SMIM5: variants seen among roughly 807,000 people sequenced by gnomAD.
SMIM5 encodes the protein chromosome 17 open reading frame 109.
A neutral mutation model predicts 4.0 loss-of-function variants in SMIM5; 4 were observed. The observed-to-expected ratio is 1.01, with a 90% CI of 0.50 to 2.30. The LOEUF is 2.30. Among genes scored for constraint, SMIM5 ranks in the 30% most tolerant of loss-of-function variants. The pLI is 0.02. For missense variants in SMIM5, 107 were observed against 99.2 expected (o/e 1.08, Z -0.34); for synonymous variants, 46 against 43.6 (o/e 1.05, Z -0.22).
rs1411890878 is a variant in SMIM5 at position 75,633,588 on chromosome 17, A to AGCCTCCTGCTCAGCTTGAGAGG, written c.-647_-626dup. On this transcript the variant is annotated 5_prime_UTR_variant, in exon 1 of 3. It introduces an in-frame stop codon into an upstream open reading frame of the 5' UTR. Coordinates refer to ENST00000375215, the MANE Select transcript of SMIM5 (RefSeq NM_001162995.3). ...GGGCCTCCCCAGGGACTGGTTGCAA[A>AGCCTCCTGCTCAGCTTGAGAGG]GCCTCCTGCTCAGCTTGAGAGGGCC... The AGCCTCCTGCTCAGCTTGAGAGG allele has an allele frequency of 8.1e-7, 1 of 1,241,152 alleles. No individual in the cohort carries two copies. The highest frequency in any genetic ancestry group is 5.8e-5 in the East Asian group (1 of 17,144). The allele number at this position is 1,241,152 out of a possible 1,614,324, so 76.9% of individuals were successfully genotyped here.
rs2059327322 is a variant in SMIM5 at position 75,636,647 on chromosome 17, CG to C, written c.-37+2447del. On this transcript the variant is annotated intron_variant, in intron 1 of 2. Transcript: ENST00000375215. The surrounding 1 kb of genome is among the most constrained non-coding windows in gnomAD (Gnocchi z 5.4). ...CCCGCTGGGAAGACCACCTGGGGAC[CG>C]GCTGGAATGCGCCTCCTCCTCTTTA... The C allele has an allele frequency of 6.6e-6, 1 of 152,280 alleles. No individual in the cohort carries two copies. The allele number at this position is 152,280 out of a possible 1,614,324, so 9.4% of individuals were successfully genotyped here. A position where few individuals can be genotyped will look rare whatever the true frequency, so the allele number is the denominator to read the frequency against.
At chr17:75,635,848 T>C in intron 1 of SMIM5, 1 of 985,400 alleles carries the variant, frequency 1.0e-6, no homozygotes, top group Non-Finnish European at 1.2e-6. Flanking sequence ...CAGCCCTTCC[T>C]CGTGAGGCGC....
Position 75,640,387 on chromosome 17 carries a change from A to G in SMIM5, c.127+59A>G. 6.8e-7 allele frequency: 1 copy of G among 1,474,084 alleles called. No homozygotes were observed. Among genetic ancestry groups the G allele is most frequent in the Non-Finnish European group, 9.0e-7 (1 of 1,107,464 alleles). 91.3% of individuals were successfully genotyped at this position (1,474,084 alleles called of 1,614,324 possible). The stretch of plus-strand genomic sequence containing the variant: ...CCTGGCATCTGGGAGAGACCACACC[A>G]TGGTGCCAGCCAGAGGGCTGGCAGA... On this transcript the variant is annotated intron_variant, in intron 2 of 2. Transcript: ENST00000375215. This position sits in a 1 kb window ranked among gnomAD's most constrained non-coding sequence, Gnocchi z 4.6.
intron 1 of SMIM5, chr17:75,639,326 T>C (rs2059388268): frequency 1.3e-5 from 2 of 152,230 alleles, no homozygotes; most frequent in South Asian, 2.1e-4. Context: ...TGGGACAAGG[T>C]TGTCTCTGGC....
Position 75,640,348 on chromosome 17 carries a change from A to C in SMIM5, c.127+20A>C. On this transcript the variant is annotated intron_variant, in intron 2 of 2. Coordinates refer to ENST00000375215, the MANE Select transcript of SMIM5 (RefSeq NM_001162995.3). This position sits in a 1 kb window ranked among gnomAD's most constrained non-coding sequence, Gnocchi z 4.6. Reference sequence around the variant, plus strand: ...TCACAGGTTAGTTGGGGCACTCAGCACCCCATGGCTCTCCCTGGCATCTGG... The same window carrying C: ...TCACAGGTTAGTTGGGGCACTCAGCCCCCCATGGCTCTCCCTGGCATCTGG... The C allele has an allele frequency of 6.6e-7, 1 of 1,525,602 alleles. No individual in the cohort carries two copies. Among genetic ancestry groups the C allele is most frequent in the Non-Finnish European group, 8.8e-7 (1 of 1,131,838 alleles). 94.5% of individuals were successfully genotyped at this position (1,525,602 alleles called of 1,614,324 possible).
chr17:75,637,244 C>T (rs774242358), intron 1 of SMIM5: 1 of 152,432 alleles, frequency 6.6e-6, no homozygotes, highest in East Asian at 1.9e-4. Flanking sequence ...GTGGCACAAG[C>T]GAAAAAGCTC....
chr17:75,633,985 C>A lies in SMIM5; in HGVS notation c.-254C>A. On this transcript the variant is annotated 5_prime_UTR_variant, in exon 1 of 3. Coordinates refer to ENST00000375215, the MANE Select transcript of SMIM5 (RefSeq NM_001162995.3). ...TTGGAGGACAAGTTCCCAAGCAGGG[C>A]TTCCTCGGGCTCCCCCTCGCGACGG... 1 of 985,534 alleles carries A rather than the reference C, an allele frequency of 1.0e-6. No homozygotes were observed. Among genetic ancestry groups the A allele is most frequent in the Non-Finnish European group, 1.2e-6 (1 of 829,984 alleles). 61.0% of individuals were successfully genotyped at this position (985,534 alleles called of 1,614,324 possible).
At position 75,633,744 on chromosome 17, in the gene SMIM5, C is replaced by T; in HGVS notation, c.-495C>T. 1 of 1,064,342 alleles carries T rather than the reference C, an allele frequency of 9.4e-7. No individual in the cohort carries two copies. The highest frequency in any genetic ancestry group is 1.1e-6 in the Non-Finnish European group (1 of 873,598). The allele number at this position is 1,064,342 out of a possible 1,614,324, so 65.9% of individuals were successfully genotyped here. A position where few individuals can be genotyped will look rare whatever the true frequency, so the allele number is the denominator to read the frequency against. ...GGGTGCCCCAGACCTGAGAGCGCTG[C>T]AGGACTCCCCTCCACAGGCTCAGGT... On this transcript the variant is annotated 5_prime_UTR_variant, in exon 1 of 3. It introduces an in-frame stop codon into an upstream open reading frame of the 5' UTR. Transcript: ENST00000375215.
In SMIM5 at chr17:75,633,495, G is replaced by C. The variant is rs2059261053; in HGVS notation, c.-744G>C. The C allele has an allele frequency of 7.8e-7, 1 of 1,288,918 alleles. No homozygotes were observed. The highest frequency in any genetic ancestry group is 1.0e-6 in the Non-Finnish European group (1 of 988,598). The allele number at this position is 1,288,918 out of a possible 1,614,324, so 79.8% of individuals were successfully genotyped here. ...CATGAGGCGCCTTGCCGGGCGCGCA[G>C]GCCACTCCCAGGTCACTCAGGATTC... On this transcript the variant is annotated 5_prime_UTR_variant, in exon 1 of 3. Transcript: ENST00000375215.
rs371230880 is a variant in SMIM5, at chr17:75,640,556, C to T, written c.127+228C>T. On this transcript the variant is annotated intron_variant, in intron 2 of 2. Coordinates refer to ENST00000375215, the MANE Select transcript of SMIM5 (RefSeq NM_001162995.3). The surrounding 1 kb of genome is among the most constrained non-coding windows in gnomAD (Gnocchi z 4.6). ...CAGCAGTACCCCGGGATCCCAAACG[C>T]GGGGATGACGGGAGCCAGGCTTGGG... Among the ~76,000 whole-genome samples the T allele has an allele frequency of 1.3e-5, 2 of 152,062 alleles. No individual in the cohort carries two copies. The highest frequency in any genetic ancestry group is 1.5e-5 in the Non-Finnish European group (1 of 67,994).
chr17:75,636,238 C>T lies in SMIM5; in HGVS notation c.-37+2036C>T, dbSNP rs1053730201. The stretch of plus-strand genomic sequence containing the variant: ...AGCCTCCAACCAAGGCACTACTGAG[C>T]GTGGGGTTGGGAGGGACTCTGGTTG... On this transcript the variant is annotated intron_variant, in intron 1 of 2. Transcript: ENST00000375215. This position sits in a 1 kb window ranked among gnomAD's most constrained non-coding sequence, Gnocchi z 5.4. Among the ~76,000 whole-genome samples, 2 of 152,136 alleles carry T rather than the reference C, an allele frequency of 1.3e-5. No homozygotes were observed. The highest frequency in any genetic ancestry group is 2.4e-5 in the African/African-American group (1 of 41,426).
rs561273921 is a variant in SMIM5 at position 75,640,768 on chromosome 17, C to G, written c.128-23C>G. The G allele has an allele frequency of 1.9e-6, 3 of 1,547,302 alleles. 1 individual carries two copies. Among genetic ancestry groups the G allele is most frequent in the South Asian group, 2.4e-5 (2 of 83,980 alleles). ...CCTTTCTCTCCCCCAACCTGAGTCC[C>G]GTGCTCTCTCCCGGCCCTCCAGCTA... On this transcript the variant is annotated intron_variant, in intron 2 of 2. Transcript: ENST00000375215. The surrounding 1 kb of genome is among the most constrained non-coding windows in gnomAD (Gnocchi z 4.6).
chr17:75,637,001 A>T (rs1053418271), intron 1 of SMIM5: 2 of 152,208 alleles, frequency 1.3e-5, no homozygotes, highest in African/African-American at 2.4e-5. Flanking sequence ...CTGGGAACTG[A>T]CACTTTTCCC....
rs186104102 is a variant in SMIM5, at chr17:75,634,462, C to T, written c.-37+260C>T. 2.8e-4 allele frequency among the ~76,000 whole-genome samples: 42 copies of T among 152,308 alleles called. No individual in the cohort carries two copies. The East Asian group carries it at 6.7e-3, about 24-fold the overall frequency. On this transcript the variant is annotated intron_variant, in intron 1 of 2. Transcript: ENST00000375215. ...CGCCTGCTGTGCAGCAGAGGGGCCC[C>T]GAGGGCCTGCTTATTCTGCAAGTTC...
intron 1 of SMIM5, chr17:75,637,067 C>T (rs1357159697): frequency 6.6e-6 from 1 of 152,268 alleles, no homozygotes; most frequent in East Asian, 1.9e-4. Context: ...CTTTGCAGCC[C>T]CTGGAGGAGG....
chr17:75,640,678 T>A lies in SMIM5; in HGVS notation c.128-113T>A. ...ACCAGCCTCTCGGATCTTTCTGACC[T>A]CCACCAAACCTGTGGGGGAAAGACC... On this transcript the variant is annotated intron_variant, in intron 2 of 2. Transcript: ENST00000375215. This position sits in a 1 kb window ranked among gnomAD's most constrained non-coding sequence, Gnocchi z 4.6. 1 of 1,478,810 alleles carries A rather than the reference T, an allele frequency of 6.8e-7. No individual in the cohort carries two copies. Among genetic ancestry groups the A allele is most frequent in the Admixed American group, 2.1e-5 (1 of 47,662 alleles). 91.6% of individuals were successfully genotyped at this position (1,478,810 alleles called of 1,614,324 possible). A position where few individuals can be genotyped will look rare whatever the true frequency, so the allele number is the denominator to read the frequency against.
chr17:75,635,744 CCATGACGAAACAA>C (rs1454438615), intron 1 of SMIM5: 1 of 976,074 alleles, frequency 1.0e-6, no homozygotes, highest in Admixed American at 6.1e-5. Flanking sequence ...CTAAAACCCA[CCATGACGAAACAA>C]CAGGGCAGAG....
Position 75,640,248 on chromosome 17 carries a change from G to A in SMIM5, c.47G>A (p.Arg16Lys). The A allele has an allele frequency of 1.3e-6, 2 of 1,551,440 alleles. No individual in the cohort carries two copies. The highest frequency in any genetic ancestry group is 1.7e-6 in the Non-Finnish European group (2 of 1,146,902). ...CAGGAGATGCGCGCCGTGGGCGAGAGGCTGCTGCTCAAGCTGCAGAGACTG... is the reference window on the plus strand; with the variant it reads ...CAGGAGATGCGCGCCGTGGGCGAGAAGCTGCTGCTCAAGCTGCAGAGACTG... The part of the protein sequence containing the change: ...FVQEMRAVGE[R>K]LLLKLQRLPQ... The change falls in exon 2 of 3, where the codon AGG becomes AAG. Residue 16 changes from arginine (R) to lysine (K), a missense_variant. Coordinates refer to ENST00000375215, the MANE Select transcript of SMIM5 (RefSeq NM_001162995.3). This position sits in a 1 kb window ranked among gnomAD's most constrained non-coding sequence, Gnocchi z 4.6.
intron 1 of SMIM5, chr17:75,638,969 G>GAGTC (rs2059379916): frequency 6.6e-6 from 1 of 152,346 alleles, no homozygotes; most frequent in African/African-American, 2.4e-5. Flanking sequence ...GGCCAGCAGG[G>GAGTC]AGTCCGACCT....
Sources: gnomAD v4.1 joint callset for allele counts (sites outside exome capture counted in the v4.1 genomes callset) on GRCh38, gnomAD v4.1.1 for gene constraint, Gnocchi (gnomAD v3.1) non-coding constraint, MANE v1.5 for transcripts, NCBI Gene and HGNC (gene_info 2026-07-23, HGNC 2026-07-21) for gene names.